SLC9B1: variants seen among roughly 807,000 people sequenced by gnomAD.
SLC9B1 encodes sodium/hydrogen exchanger 9B1.
Under a neutral mutation model 51.7 loss-of-function variants are expected in SLC9B1, and 32 were observed. The observed-to-expected ratio is 0.62, with a 90% CI of 0.47 to 0.83. The LOEUF (loss-of-function observed/expected upper bound fraction) is 0.83. SLC9B1 is among the 40% of genes least tolerant of loss of function. SLC9B1 has a pLI of 0.00. For synonymous variants in SLC9B1, 145 were observed against 212.7 expected (o/e 0.68, Z 2.77); for missense variants, 406 against 613.2 (o/e 0.66, Z 3.57).
At chr4:102,912,519 A>T (rs1735387169) in intron 7 of SLC9B1, among the ~76,000 whole-genome samples, 1 of 152,198 alleles carries the variant, frequency 6.6e-6, no homozygotes, top group Admixed American at 6.5e-5. Context: ...TCACAAAAAT[A>T]GTTCAGTTAA....
Position 102,990,384 on chromosome 4 carries a change from G to C in SLC9B1, c.70-443C>G, listed in dbSNP as rs1349907408. ...CTGAAAGAAAAATGAGAAAAACATA[G>C]GTCAAGCCTTCGGAAATTCAAGCAT... On this transcript the variant is annotated intron_variant, in intron 2 of 11. Transcript: ENST00000296422. 2.6e-5 allele frequency among the ~76,000 whole-genome samples: 4 copies of C among 152,030 alleles called. No individual in the cohort carries two copies. The East Asian group carries it at 7.7e-4, about 29-fold the overall frequency.
intron 11 of SLC9B1, among the ~76,000 whole-genome samples, chr4:102,886,343 T>C (rs1230001352): frequency 1.3e-5 from 2 of 151,662 alleles, no homozygotes; most frequent in African/African-American, 4.8e-5. Context: ...CAAAAAAAAT[T>C]AGCCAGGCGT....
chr4:103,000,461 C>T (rs1257945411), intron 1 of SLC9B1, among the ~76,000 whole-genome samples: 1 of 152,216 alleles, frequency 6.6e-6, no homozygotes, highest in Non-Finnish European at 1.5e-5. Context: ...AAGGCAAGTT[C>T]CTTCCACCTA....
intron 1 of SLC9B1, among the ~76,000 whole-genome samples, chr4:102,996,789 T>C (rs1275558930): frequency 6.6e-6 from 1 of 151,972 alleles, no homozygotes; most frequent in East Asian, 1.9e-4. Flanking sequence ...ATGCTAGTGC[T>C]TGTATTTTTT....
chr4:102,899,131 TA>T (rs1233845288), downstream of SLC9B1, among the ~76,000 whole-genome samples: 1 of 150,662 alleles, frequency 6.6e-6, no homozygotes, highest in Non-Finnish European at 1.5e-5. Flanking sequence ...AAAAACTTTT[TA>T]TAAATAAAAA....
intron 3 of SLC9B1, among the ~76,000 whole-genome samples, chr4:102,957,778 G>A (rs1358464209): frequency 6.7e-6 from 1 of 149,820 alleles, no homozygotes; most frequent in Non-Finnish European, 1.5e-5. Flanking sequence ...GTGTATGTGT[G>A]TATATGTGTG....
At chr4:103,016,481 A>C (rs1251794488) in intron 1 of SLC9B1, among the ~76,000 whole-genome samples, 2 of 152,178 alleles carry the variant, frequency 1.3e-5, no homozygotes, top group African/African-American at 4.8e-5. Flanking sequence ...ATTTCTTGAC[A>C]CCACATTTTC....
intron 4 of SLC9B1, among the ~76,000 whole-genome samples, chr4:102,947,676 A>AT (rs1737336076): frequency 6.6e-6 from 1 of 152,244 alleles, no homozygotes; most frequent in African/African-American, 2.4e-5. Flanking sequence ...ATTTAGATAT[A>AT]TTTGAATACA....
At chr4:102,993,158 G>A (rs1489045516) in intron 1 of SLC9B1, among the ~76,000 whole-genome samples, 1 of 152,116 alleles carries the variant, frequency 6.6e-6, no homozygotes, top group Non-Finnish European at 1.5e-5. Context: ...GTCCCCCAAA[G>A]TCTTAACTAA....
At chr4:102,936,743 G>A (rs1736742551) in intron 6 of SLC9B1, among the ~76,000 whole-genome samples, 2 of 152,170 alleles carry the variant, frequency 1.3e-5, no homozygotes, top group Admixed American at 6.5e-5. Flanking sequence ...TGAGAAATCT[G>A]AGATTATGTA....
intron 6 of SLC9B1, among the ~76,000 whole-genome samples, chr4:102,935,871 G>T (rs952222878): frequency 1.3e-5 from 2 of 152,208 alleles, no homozygotes; most frequent in African/African-American, 4.8e-5. Flanking sequence ...GCTGACCCAT[G>T]CAAGTATGCA....
chr4:102,922,645 T>C (rs970315014), intron 7 of SLC9B1, among the ~76,000 whole-genome samples: 2 of 151,648 alleles, frequency 1.3e-5, no homozygotes, highest in Non-Finnish European at 2.9e-5. Flanking sequence ...ATCAACAAAA[T>C]TGACAGACTG....
At chr4:102,893,232 AG>A (rs1274612367) in intron 11 of SLC9B1, among the ~76,000 whole-genome samples, 1 of 130,018 alleles carries the variant, frequency 7.7e-6, no homozygotes, top group Non-Finnish European at 1.6e-5. Flanking sequence ...CAGTGCGCCA[AG>A]GTTGTGCCAT....
intron 3 of SLC9B1, among the ~76,000 whole-genome samples, chr4:102,974,179 G>A (rs1738911799): frequency 1.4e-5 from 2 of 141,662 alleles, no homozygotes; most frequent in Non-Finnish European, 3.0e-5. Context: ...AGAGGTTGCA[G>A]TGAGCCGAGA....
intron 6 of SLC9B1, among the ~76,000 whole-genome samples, chr4:102,933,663 A>G (rs1294290441): frequency 6.6e-6 from 1 of 152,186 alleles, no homozygotes; most frequent in Non-Finnish European, 1.5e-5. Flanking sequence ...TGCAGGCTTC[A>G]GTTTTTTCCA....
At chr4:102,913,483 G>A (rs6821247) in intron 7 of SLC9B1, among the ~76,000 whole-genome samples, 82,716 of 151,936 alleles carry the variant, frequency 0.54, 23,059 homozygotes, top group African/African-American at 0.68. Flanking sequence ...AAGGTCTTCC[G>A]TATGAAGCCA....
In SLC9B1 at chr4:102,920,745, C is replaced by T. The variant is rs866643508; in HGVS notation, c.830-9208G>A. Among the ~76,000 whole-genome samples, 7 of 152,066 alleles carry T rather than the reference C, an allele frequency of 4.6e-5. No homozygotes were observed. In the East Asian group the frequency reaches 5.8e-4, roughly 13 times the overall value. ...CCTGATGGAGCTGAAAACCTTGGCA[C>T]GAGAACTTTGTGACACATGCACAAG... On this transcript the variant is annotated intron_variant, in intron 7 of 11. Coordinates refer to ENST00000296422, the MANE Select transcript of SLC9B1 (RefSeq NM_139173.4).
intron 6 of SLC9B1, among the ~76,000 whole-genome samples, chr4:102,937,947 A>G (rs1373310611): frequency 6.6e-6 from 1 of 152,154 alleles, no homozygotes; most frequent in Non-Finnish European, 1.5e-5. Context: ...GAACATTGAC[A>G]TTGTAAAGTA....
In SLC9B1 at chr4:102,901,346, T is replaced by TA. The variant is rs756513207; in HGVS notation, c.1333-15dup. ...ACCTAACACAGCCTGCATTTAGGGG[T>TA]AAAAATGGGGCATAAAGAAAAATAT... On this transcript the variant is annotated splice_polypyrimidine_tract_variant and intron_variant, in intron 11 of 11. Transcript: ENST00000296422. The TA allele has an allele frequency of 1.2e-6, 2 of 1,611,138 alleles. No homozygotes were observed. Among genetic ancestry groups the TA allele is most frequent in the Non-Finnish European group, 1.7e-6 (2 of 1,179,318 alleles).
Sources: allele counts gnomAD v4.1 joint callset (sites outside exome capture counted in the v4.1 genomes callset), GRCh38; gene constraint gnomAD v4.1.1; transcripts MANE v1.5; gene names NCBI Gene and HGNC (gene_info 2026-07-23, HGNC 2026-07-21).